PGCKA1: variants seen among roughly 807,000 people sequenced by gnomAD.
The protein encoded by PGCKA1 is PDCD10 and GCKIII kinases associated 1, also known as PDCD10 and GCKIII kinases-associated protein 1.
chr4:37,558,825 C>A, the PGCKA1 span, among the ~76,000 whole-genome samples: 5 of 123,420 alleles, frequency 4.1e-5, no homozygotes, highest in Non-Finnish European at 8.5e-5. Flanking sequence ...ATTTATGCAG[C>A]CAAAAAACAC....
chr4:37,540,492 G>T, the PGCKA1 span, among the ~76,000 whole-genome samples: 1 of 152,010 alleles, frequency 6.6e-6, no homozygotes, highest in Admixed American at 6.5e-5. Context: ...TTTTTTCTGT[G>T]GAGATTCTAG....
At chr4:37,475,274 A>G in the PGCKA1 span, among the ~76,000 whole-genome samples, 1 of 152,178 alleles carries the variant, frequency 6.6e-6, no homozygotes, top group African/African-American at 2.4e-5. Flanking sequence ...TATACAGTTC[A>G]TAGAAACAAT....
At chr4:37,566,304 A>G in the PGCKA1 span, among the ~76,000 whole-genome samples, 1 of 150,986 alleles carries the variant, frequency 6.6e-6, no homozygotes, top group Non-Finnish European at 1.5e-5. Context: ...TTTTTGAGAC[A>G]CAGTCTTACT....
the PGCKA1 span, among the ~76,000 whole-genome samples, chr4:37,562,943 T>G: frequency 6.6e-6 from 1 of 152,106 alleles, no homozygotes; most frequent in South Asian, 2.1e-4. Flanking sequence ...TTACCCCTAG[T>G]AGGGGGGTGT....
At chr4:37,564,519 T>A in the PGCKA1 span, among the ~76,000 whole-genome samples, 8,429 of 151,010 alleles carry the variant, frequency 0.056, 419 homozygotes, top group African/African-American at 0.13. Flanking sequence ...TTATTTATTT[T>A]TTTTGAGATG....
chr4:37,553,814 C>T, the PGCKA1 span, among the ~76,000 whole-genome samples: 1 of 152,168 alleles, frequency 6.6e-6, no homozygotes, highest in Admixed American at 6.5e-5. Flanking sequence ...CACCTATATG[C>T]AAGTCACTGT....
At chr4:37,549,653 G>T in the PGCKA1 span, among the ~76,000 whole-genome samples, 2 of 152,142 alleles carry the variant, frequency 1.3e-5, no homozygotes, top group African/African-American at 4.8e-5. Context: ...ATTGAAGTTT[G>T]CAACACCCTA....
At chr4:37,559,266 TA>T in the PGCKA1 span, among the ~76,000 whole-genome samples, 2 of 119,336 alleles carry the variant, frequency 1.7e-5, no homozygotes, top group East Asian at 4.9e-4. Flanking sequence ...TATGCAGCCA[TA>T]AAAAAGATGA....
chr4:37,546,753 G>A, the PGCKA1 span, among the ~76,000 whole-genome samples: 1 of 152,226 alleles, frequency 6.6e-6, no homozygotes, highest in African/African-American at 2.4e-5. Context: ...GCCCTGTGGA[G>A]CATCCCTGCA....
the PGCKA1 span, among the ~76,000 whole-genome samples, chr4:37,515,138 G>T: frequency 1.3e-5 from 2 of 152,084 alleles, no homozygotes; most frequent in South Asian, 2.1e-4. Flanking sequence ...CCTCATGAAT[G>T]GTACTAGTGC....
the PGCKA1 span, among the ~76,000 whole-genome samples, chr4:37,510,260 G>C: frequency 6.6e-6 from 1 of 151,880 alleles, no homozygotes; most frequent in Non-Finnish European, 1.5e-5. Flanking sequence ...GGATGGTCTT[G>C]ATATTTATGG....
the PGCKA1 span, among the ~76,000 whole-genome samples, chr4:37,459,866 G>A: frequency 1.4e-5 from 2 of 143,854 alleles, no homozygotes; most frequent in East Asian, 2.1e-4. Flanking sequence ...CAGGATACAT[G>A]TGCAGAACGT....
At chr4:37,531,414 T>C in the PGCKA1 span, among the ~76,000 whole-genome samples, 3 of 152,236 alleles carry the variant, frequency 2.0e-5, no homozygotes, top group Admixed American at 1.3e-4. Flanking sequence ...AATTGGAGGT[T>C]AGTGGTATGT....
the PGCKA1 span, among the ~76,000 whole-genome samples, chr4:37,564,520 T>A: frequency 1.3e-5 from 2 of 151,716 alleles, no homozygotes; most frequent in Non-Finnish European, 2.9e-5. Context: ...TATTTATTTT[T>A]TTTGAGATGG....
the PGCKA1 span, chr4:37,588,951 G>C: frequency 7.1e-7 from 1 of 1,408,260 alleles, no homozygotes; most frequent in Non-Finnish European, 1.0e-6. Context: ...GATGAGCGTG[G>C]GGTCACTTTT....
chr4:37,547,933 G>A, the PGCKA1 span, among the ~76,000 whole-genome samples: 20 of 149,936 alleles, frequency 1.3e-4, no homozygotes, highest in African/African-American at 4.7e-4. Context: ...CTAATCTTGT[G>A]GCCTTACACA....
At chr4:37,485,930 C>T in the PGCKA1 span, among the ~76,000 whole-genome samples, 1 of 152,200 alleles carries the variant, frequency 6.6e-6, no homozygotes, top group Non-Finnish European at 1.5e-5. Context: ...GCTAGTCTAG[C>T]TCTGGCAGGT....
At chr4:37,569,902 A>G in the PGCKA1 span, among the ~76,000 whole-genome samples, 1 of 151,704 alleles carries the variant, frequency 6.6e-6, no homozygotes, top group Non-Finnish European at 1.5e-5. Context: ...TAACACTTCT[A>G]TCCCAGCACA....
chr4:37,459,673 C>T, the PGCKA1 span, among the ~76,000 whole-genome samples: 1 of 152,048 alleles, frequency 6.6e-6, no homozygotes, highest in Non-Finnish European at 1.5e-5. Context: ...TGAATCAGAA[C>T]CTGCATTTTA....
Sources: allele counts gnomAD v4.1 joint callset (sites outside exome capture counted in the v4.1 genomes callset), GRCh38; gene constraint gnomAD v4.1.1; transcripts MANE v1.5; gene names NCBI Gene and HGNC (gene_info 2026-07-23, HGNC 2026-07-21).